The following DSE variants were observed in gnomAD, a reference collection of about 807,000 sequenced individuals.
The protein encoded by DSE is dermatan-sulfate epimerase.
Under a neutral mutation model 84.4 loss-of-function variants are expected in DSE, and 36 were observed. The ratio of observed to expected loss-of-function variants is 0.43; its 90% CI spans 0.33 to 0.56. The LOEUF (loss-of-function observed/expected upper bound fraction) is 0.56, where lower values mean the gene tolerates loss of function less well. Ranked by LOEUF, DSE falls within the 20% of genes least tolerant of loss-of-function variation. The probability of loss-of-function intolerance (pLI) is 0.06; values close to 1 mark genes in which losing one functional copy is unlikely to be tolerated. For synonymous variants in DSE, 410 were observed against 430.1 expected (o/e 0.95, Z 0.58); for missense variants, 862 against 1,169.6 (o/e 0.74, Z 3.84).
At chr6:116,259,491 T>C (rs987551042) in intron 2 of DSE, among the ~76,000 whole-genome samples, 6 of 152,246 alleles carry the variant, frequency 3.9e-5, no homozygotes, top group African/African-American at 1.4e-4. Context: ...TCTTTGATTA[T>C]AAGACACATC....
At chr6:116,383,367 G>T (rs1406573931) in intron 1 of DSE, among the ~76,000 whole-genome samples, 1 of 152,104 alleles carries the variant, frequency 6.6e-6, no homozygotes, top group Non-Finnish European at 1.5e-5. Flanking sequence ...AAATGGGTAG[G>T]GTGGGTATGA....
At chr6:116,418,964 G>A (rs1307998488) in intron 2 of DSE, among the ~76,000 whole-genome samples, 1 of 152,210 alleles carries the variant, frequency 6.6e-6, no homozygotes. Context: ...CACATAACAT[G>A]TGCTTAATTA....
At chr6:116,372,643 C>T (rs1443024828) in intron 1 of DSE, among the ~76,000 whole-genome samples, 1 of 152,120 alleles carries the variant, frequency 6.6e-6, no homozygotes, top group African/African-American at 2.4e-5. Context: ...TGTATTGTGA[C>T]CTCTTCCTTT....
intron 2 of DSE, among the ~76,000 whole-genome samples, chr6:116,346,532 C>T (rs974673349): frequency 6.6e-6 from 1 of 152,154 alleles, no homozygotes; most frequent in Non-Finnish European, 1.5e-5. Flanking sequence ...ATGATTATCT[C>T]AATAGATGCA....
rs142885579 is a variant in DSE, at chr6:116,284,194, G to A, written c.-54+25227G>A. Among the ~76,000 whole-genome samples, 1,199 of 152,246 alleles carry A rather than the reference G, an allele frequency of 7.9e-3. 22 individuals carry two copies. Among genetic ancestry groups the A allele is most frequent in the South Asian group, 0.052 (250 of 4,818 alleles). On this transcript the variant is annotated intron_variant, in intron 2 of 3. Coordinates refer to the DSE transcript ENST00000430252. Reference sequence around the variant, plus strand: ...TTTCTCAGGTAGCAAGGAGTTTAGCGGAAGTTCAGACATTTTTGTTTTGCA... The same window carrying A: ...TTTCTCAGGTAGCAAGGAGTTTAGCAGAAGTTCAGACATTTTTGTTTTGCA...
intron 2 of DSE, chr6:116,278,286 C>T: frequency 9.0e-6 from 5 of 553,006 alleles, no homozygotes; most frequent in Non-Finnish European, 1.6e-5. Context: ...AGGATGACCT[C>T]GTAGCATGTG....
intron 2 of DSE, among the ~76,000 whole-genome samples, chr6:116,402,278 A>G (rs954487574): frequency 6.6e-6 from 1 of 152,200 alleles, no homozygotes; most frequent in African/African-American, 2.4e-5. Context: ...AAACATTTGT[A>G]TCATGCTGCA....
At chr6:116,347,512 T>G (rs532025716) in intron 2 of DSE, among the ~76,000 whole-genome samples, 2 of 152,302 alleles carry the variant, frequency 1.3e-5, no homozygotes, top group South Asian at 4.2e-4. Flanking sequence ...ATCTGATCTT[T>G]GACAAACCTG....
At chr6:116,407,528 A>G (rs1480138082) in intron 2 of DSE, among the ~76,000 whole-genome samples, 1 of 152,196 alleles carries the variant, frequency 6.6e-6, no homozygotes, top group African/African-American at 2.4e-5. Context: ...AGTTATTACT[A>G]TAACTTTTAG....
At chr6:116,304,958 G>A (rs1009270782) in intron 2 of DSE, among the ~76,000 whole-genome samples, 1 of 152,052 alleles carries the variant, frequency 6.6e-6, no homozygotes, top group Admixed American at 6.6e-5. Context: ...CTCTATCCTA[G>A]ATATCTCACT....
chr6:116,410,129 G>A (rs1278322247), intron 2 of DSE, among the ~76,000 whole-genome samples: 1 of 152,136 alleles, frequency 6.6e-6, no homozygotes, highest in Non-Finnish European at 1.5e-5. Flanking sequence ...ATGTATGTAC[G>A]TTAACCTTTT....
chr6:116,282,937 C>A (rs1294392712), intron 2 of DSE, among the ~76,000 whole-genome samples: 5 of 152,080 alleles, frequency 3.3e-5, no homozygotes, highest in Admixed American at 2.6e-4. Context: ...GCCATACAGG[C>A]AAAGCTGTGG....
At chr6:116,300,657 AG>A (rs1437900048) in intron 2 of DSE, among the ~76,000 whole-genome samples, 86 of 152,346 alleles carry the variant, frequency 5.6e-4, no homozygotes, top group East Asian at 4.2e-3. Context: ...CTAAGTTACC[AG>A]TGCTAGTGTC....
chr6:116,268,376 G>A (rs576794942), intron 2 of DSE, among the ~76,000 whole-genome samples: 2 of 152,162 alleles, frequency 1.3e-5, no homozygotes, highest in Non-Finnish European at 2.9e-5. Context: ...GTAGGCTATA[G>A]CATTTAGGTT....
intron 2 of DSE, among the ~76,000 whole-genome samples, chr6:116,364,015 A>G (rs1779039752): frequency 6.6e-6 from 1 of 152,210 alleles, no homozygotes; most frequent in Non-Finnish European, 1.5e-5. Flanking sequence ...TCCACTTCTA[A>G]CTAATTAGCA....
intron 1 of DSE, among the ~76,000 whole-genome samples, chr6:116,393,348 A>G (rs1053812998): frequency 6.6e-6 from 1 of 152,186 alleles, no homozygotes; most frequent in Admixed American, 6.5e-5. Flanking sequence ...TTGTGTTCCA[A>G]TTTCAACTAA....
At chr6:116,326,259 G>A (rs755260363) in intron 2 of DSE, among the ~76,000 whole-genome samples, 41 of 152,192 alleles carry the variant, frequency 2.7e-4, no homozygotes, top group Non-Finnish European at 3.7e-4. Flanking sequence ...AGCTCAGAGG[G>A]GAGGACGGCG....
upstream of DSE, among the ~76,000 whole-genome samples, chr6:116,368,993 T>C (rs1779341086): frequency 6.6e-6 from 1 of 151,836 alleles, no homozygotes; most frequent in Non-Finnish European, 1.5e-5. Context: ...AATTCGCAGG[T>C]CACTCAAAAG....
At chr6:116,270,851 T>C (rs1022802144) in intron 2 of DSE, among the ~76,000 whole-genome samples, 1 of 152,192 alleles carries the variant, frequency 6.6e-6, no homozygotes, top group African/African-American at 2.4e-5. Flanking sequence ...AAACCCTAAT[T>C]GAATGCAGCC....
Sources: allele counts gnomAD v4.1 joint callset (sites outside exome capture counted in the v4.1 genomes callset), GRCh38; gene constraint gnomAD v4.1.1; transcripts MANE v1.5; gene names NCBI Gene and HGNC (gene_info 2026-07-23, HGNC 2026-07-21).